The following BCAS3 variants were observed in gnomAD, a reference collection of about 807,000 sequenced individuals.
The protein encoded by BCAS3 is BCAS3 microtubule associated cell migration factor.
BCAS3 carries 53 observed loss-of-function variants against 116.1 expected under a neutral mutation model. That is an observed-to-expected ratio of 0.46 (90% CI 0.37 to 0.57). BCAS3 has a LOEUF of 0.57. Ranked by LOEUF, BCAS3 falls within the 20% of genes least tolerant of loss-of-function variation. BCAS3 has a pLI of 0.00. For missense variants in BCAS3, 917 were observed against 1,165.4 expected (o/e 0.79, Z 3.10); for synonymous variants, 391 against 408.2 (o/e 0.96, Z 0.51).
In BCAS3 at chr17:61,128,830, T is replaced by A. The variant is rs1215947295; in HGVS notation, c.2425+44266T>A. 6.6e-6 allele frequency among the ~76,000 whole-genome samples: 1 copy of A among 152,204 alleles called. No individual in the cohort carries two copies. Among genetic ancestry groups the A allele is most frequent in the Admixed American group, 6.5e-5 (1 of 15,278 alleles). On this transcript the variant is annotated intron_variant, in intron 22 of 23. Coordinates refer to ENST00000407086, the MANE Select transcript of BCAS3 (RefSeq NM_017679.5). The surrounding 1 kb of genome is among the most constrained non-coding windows in gnomAD (Gnocchi z 4.1). ...GGTCAAGTGATGATTAGTGATGTAG[T>A]CTCTCCTAAACACATGGTTAGCACA... is the stretch of plus-strand genomic sequence containing the variant.
At chr17:61,360,093 A>G (rs1032982688) in intron 22 of BCAS3, among the ~76,000 whole-genome samples, 3 of 149,272 alleles carry the variant, frequency 2.0e-5, no homozygotes, top group African/African-American at 7.4e-5. Context: ...TGCAACCTCC[A>G]TCTCCTGGGT....
At chr17:61,015,321 C>G (rs2065379519) in intron 15 of BCAS3, among the ~76,000 whole-genome samples, 1 of 152,214 alleles carries the variant, frequency 6.6e-6, no homozygotes. Flanking sequence ...CAGGGTCTCT[C>G]TAATGCCACC....
intron 7 of BCAS3, among the ~76,000 whole-genome samples, chr17:60,854,876 A>G (rs1011199820): frequency 2.6e-5 from 4 of 152,038 alleles, no homozygotes; most frequent in African/African-American, 9.7e-5. Context: ...TCAGTAGATG[A>G]ATGGATTAAC....
chr17:61,048,512 A>G (rs1000378687), intron 19 of BCAS3, among the ~76,000 whole-genome samples: 1 of 152,028 alleles, frequency 6.6e-6, no homozygotes, highest in Non-Finnish European at 1.5e-5. Flanking sequence ...AGACCAAAGA[A>G]GAGCGGGTGT....
chr17:60,929,587 A>G (rs2145178412), intron 13 of BCAS3, among the ~76,000 whole-genome samples: 1 of 152,030 alleles, frequency 6.6e-6, no homozygotes, highest in South Asian at 2.1e-4. Context: ...TTATTATTAT[A>G]CATTAAGTTT....
intron 5 of BCAS3, among the ~76,000 whole-genome samples, chr17:60,744,996 G>A (rs1488440665): frequency 6.6e-6 from 1 of 152,030 alleles, no homozygotes; most frequent in Admixed American, 6.6e-5. Flanking sequence ...TTTATATTGT[G>A]AGTATGCTAA....
At chr17:60,734,115 GT>G (rs2040732474) in intron 5 of BCAS3, among the ~76,000 whole-genome samples, 1 of 152,052 alleles carries the variant, frequency 6.6e-6, no homozygotes, top group Non-Finnish European at 1.5e-5. Flanking sequence ...TATTTATTTA[GT>G]TTGAGAGACA....
Position 61,224,100 on chromosome 17 carries a change from T to C in BCAS3, c.2425+139536T>C, listed in dbSNP as rs2082252432. Reference sequence around the variant, plus strand: ...ATCAATTTGATAGTCCCATCTTTTCTCCTATATTTGATTATAGAAAGCAGT... The same window carrying C: ...ATCAATTTGATAGTCCCATCTTTTCCCCTATATTTGATTATAGAAAGCAGT... On this transcript the variant is annotated intron_variant, in intron 22 of 23. Coordinates refer to ENST00000407086, the MANE Select transcript of BCAS3 (RefSeq NM_017679.5). The surrounding 1 kb of genome is among the most constrained non-coding windows in gnomAD (Gnocchi z 5.7). 6.6e-6 allele frequency among the ~76,000 whole-genome samples: 1 copy of C among 152,244 alleles called. No homozygotes were observed. The highest frequency in any genetic ancestry group is 1.5e-5 in the Non-Finnish European group (1 of 68,040).
chr17:61,323,798 C>T lies in BCAS3; in HGVS notation c.2426-44529C>T, dbSNP rs907005237. Among the ~76,000 whole-genome samples the T allele has an allele frequency of 1.8e-4, 27 of 152,324 alleles. No individual in the cohort carries two copies. The highest frequency in any genetic ancestry group is 3.4e-3 in the Middle Eastern group (1 of 294). Reference sequence around the variant, plus strand: ...AGTGGCCTGCTGCGGTGCTCAGCTGCTGGTAAGTGATCCAGCAGAAGCAGG... The same window carrying T: ...AGTGGCCTGCTGCGGTGCTCAGCTGTTGGTAAGTGATCCAGCAGAAGCAGG... On this transcript the variant is annotated intron_variant, in intron 22 of 23. Transcript: ENST00000407086. This position sits in a 1 kb window ranked among gnomAD's most constrained non-coding sequence, Gnocchi z 4.6.
intron 5 of BCAS3, among the ~76,000 whole-genome samples, chr17:60,726,204 A>ATTT (rs111326766): frequency 3.7e-5 from 4 of 109,556 alleles, no homozygotes; most frequent in African/African-American, 1.0e-4. Context: ...CAGAGGGAGG[A>ATTT]TTTTTTTTTT....
At chr17:60,971,859 C>T (rs1193301551) in intron 14 of BCAS3, among the ~76,000 whole-genome samples, 2 of 152,208 alleles carry the variant, frequency 1.3e-5, no homozygotes, top group South Asian at 2.1e-4. Context: ...TAGAAAGTCA[C>T]AAGGCCTCCA....
intron 6 of BCAS3, among the ~76,000 whole-genome samples, chr17:60,783,550 G>A (rs1436952949): frequency 6.6e-6 from 1 of 152,162 alleles, no homozygotes; most frequent in Non-Finnish European, 1.5e-5. Context: ...GTGTGTGGCA[G>A]GGGCTATGTG....
At chr17:60,909,229 C>T (rs1470623009) in intron 11 of BCAS3, among the ~76,000 whole-genome samples, 1 of 152,134 alleles carries the variant, frequency 6.6e-6, no homozygotes, top group African/African-American at 2.4e-5. Flanking sequence ...TAATAGAACA[C>T]TTCTTTGGAA....
intron 6 of BCAS3, among the ~76,000 whole-genome samples, chr17:60,764,367 A>G (rs981799634): frequency 1.4e-4 from 22 of 152,300 alleles, no homozygotes; most frequent in African/African-American, 5.1e-4. Context: ...ACTGCTTTAA[A>G]TGTGTCCCAG....
chr17:61,223,269 T>C (rs2082210880), intron 22 of BCAS3, among the ~76,000 whole-genome samples: 1 of 144,124 alleles, frequency 6.9e-6, no homozygotes. Context: ...GCAGTTCTCC[T>C]GCCTCAGCCC....
chr17:60,849,572 A>T (rs1352386469), intron 7 of BCAS3, among the ~76,000 whole-genome samples: 1 of 151,996 alleles, frequency 6.6e-6, no homozygotes, highest in Non-Finnish European at 1.5e-5. Context: ...TTATAAAGAG[A>T]TTTTCTCTCA....
chr17:61,123,813 A>G lies in BCAS3; in HGVS notation c.2425+39249A>G, dbSNP rs185131249. 3.3e-5 allele frequency among the ~76,000 whole-genome samples: 5 copies of G among 152,306 alleles called. No homozygotes were observed. In the East Asian group the frequency reaches 7.7e-4, roughly 23 times the overall value. On this transcript the variant is annotated intron_variant, in intron 22 of 23. Coordinates refer to ENST00000407086, the MANE Select transcript of BCAS3 (RefSeq NM_017679.5). The stretch of plus-strand genomic sequence containing the variant: ...TGCATATTGGTTGATTCTCATTGGC[A>G]TATATGCTGACATATTTAGTTTTAT...
At chr17:60,735,138 A>G (rs2040836476) in intron 5 of BCAS3, among the ~76,000 whole-genome samples, 1 of 152,156 alleles carries the variant, frequency 6.6e-6, no homozygotes. Flanking sequence ...TAATGCTTGT[A>G]TATAAGAAAG....
intron 19 of BCAS3, among the ~76,000 whole-genome samples, chr17:61,059,061 A>ATTTTTT (rs1665097071): frequency 2.8e-5 from 1 of 35,834 alleles, no homozygotes; most frequent in Non-Finnish European, 6.4e-5. Flanking sequence ...TTTTCTCCCC[A>ATTTTTT]TCTTTTTTTT....
Sources: allele counts gnomAD v4.1 joint callset (sites outside exome capture counted in the v4.1 genomes callset), GRCh38; gene constraint gnomAD v4.1.1; non-coding constraint Gnocchi (gnomAD v3.1); transcripts MANE v1.5; gene names NCBI Gene and HGNC (gene_info 2026-07-23, HGNC 2026-07-21).